CCDC40: variants seen among roughly 807,000 people sequenced by gnomAD.
The protein encoded by CCDC40 is coiled-coil domain-containing protein 40.
A neutral mutation model predicts 124.5 loss-of-function variants in CCDC40; 104 were observed. The ratio of observed to expected loss-of-function variants is 0.84; its 90% CI spans 0.71 to 0.98. The LOEUF (loss-of-function observed/expected upper bound fraction) is 0.98. Among genes scored for constraint, CCDC40 ranks in the 50% least tolerant of loss-of-function variants. The pLI is 0.00. For missense variants in CCDC40, 1,463 were observed against 1,503.9 expected, an observed-to-expected ratio of 0.97 and a Z score of 0.45; for synonymous variants, 580 against 602.9, an observed-to-expected ratio of 0.96 and a Z score of 0.56.
intron 9 of CCDC40, among the ~76,000 whole-genome samples, chr17:80,064,731 C>T (rs542048085): frequency 1.3e-5 from 2 of 151,950 alleles, no homozygotes; most frequent in African/African-American, 4.8e-5. Flanking sequence ...CACTGCCCCC[C>T]ACGATGCCCC....
At chr17:80,068,001 C>A in intron 10 of CCDC40, 1 of 1,060,252 alleles carries the variant, frequency 9.4e-7, no homozygotes. Flanking sequence ...ACACCAAGGC[C>A]CCGGGGAGGA....
intron 12 of CCDC40, among the ~76,000 whole-genome samples, chr17:80,083,834 A>C (rs932985473): frequency 6.6e-6 from 1 of 152,264 alleles, no homozygotes; most frequent in African/African-American, 2.4e-5. Flanking sequence ...CCAGTGTCTA[A>C]CAATTGCTTC....
At chr17:80,068,767 C>T (rs184367238) in intron 10 of CCDC40, among the ~76,000 whole-genome samples, 1 of 152,100 alleles carries the variant, frequency 6.6e-6, no homozygotes, top group African/African-American at 2.4e-5. Flanking sequence ...GAATCGAGCT[C>T]ACCAGAGCCT....
Position 80,058,967 on chromosome 17 carries a change from A to C in CCDC40, c.1427A>C (p.Lys476Thr). The C allele has an allele frequency of 6.2e-7, 1 of 1,614,194 alleles. No homozygotes were observed. Among genetic ancestry groups the C allele is most frequent in the Non-Finnish European group, 8.5e-7 (1 of 1,180,030 alleles). Residue 476 changes from lysine (K) to threonine (T), a missense_variant, in exon 9 of 20, where the codon AAA becomes ACA. Lys to Thr is a moderately conservative substitution (Grantham distance 78, BLOSUM62 -1). Coordinates refer to ENST00000397545, the MANE Select transcript of CCDC40 (RefSeq NM_017950.4). The surrounding 1 kb of genome is among the most constrained non-coding windows in gnomAD (Gnocchi z 4.2). ...GCTGAGGACACCCGGATTTTAAGGA[A>C]AGCAGTGAGTGAGGTAAAAGCAGTC... ...AQAEDTRILR[K>T]AVSEACTEID...
chr17:80,097,212 C>T, intron 18 of CCDC40, 33 bp from the exon 19 acceptor site: 2 of 1,612,886 alleles, frequency 1.2e-6, no homozygotes. Context: ...AGCCGGGCTG[C>T]AGGGGCCCAG....
chr17:80,042,150 G>A lies in CCDC40; in HGVS notation c.552+1880G>A, dbSNP rs550396502. Among the ~76,000 whole-genome samples, 616 of 151,984 alleles carry A rather than the reference G, an allele frequency of 4.1e-3. 3 individuals are homozygous for A. Among genetic ancestry groups the A allele is most frequent in the African/African-American group, 0.012 (514 of 41,432 alleles). ...TCTCTTTTTTTTGAGATGTAGTCTC[G>A]CTCTGTCACCCAGGCTGGAGTGCAG... On this transcript the variant is annotated intron_variant, in intron 3 of 19. Transcript: ENST00000397545.
rs1434502935 is a variant in CCDC40 at position 80,048,566 on chromosome 17, G to T, written c.677-17G>T. On this transcript the variant is annotated splice_polypyrimidine_tract_variant and intron_variant, in intron 4 of 19. Coordinates refer to ENST00000397545, the MANE Select transcript of CCDC40 (RefSeq NM_017950.4). ...TCTCCAGCAGCTCCTCAATGGTGTC[G>T]CTGTCTCTCCCCCCAGTGATCCCCC... 2 of 1,607,106 alleles carry T rather than the reference G, an allele frequency of 1.2e-6. No homozygotes were observed. Among genetic ancestry groups the T allele is most frequent in the East Asian group, 2.2e-5 (1 of 44,842 alleles).
At chr17:80,084,390 GTAGCGGCCCC>G (rs2038529791) in intron 12 of CCDC40, among the ~76,000 whole-genome samples, 10 of 152,172 alleles carry the variant, frequency 6.6e-5, no homozygotes, top group Admixed American at 6.5e-4. Context: ...CAGCATGGGG[GTAGCGGCCCC>G]CATGGTCCAG....
At chr17:80,056,014 A>ATTTTTTTTTTTTTTTTTTT (rs1173801732) in intron 7 of CCDC40, among the ~76,000 whole-genome samples, 2 of 13,450 alleles carry the variant, frequency 1.5e-4, no homozygotes, top group African/African-American at 2.7e-4. Context: ...ATATATATAT[A>ATTTTTTTTTTTTTTTTTTT]TATTTTTTTT....
chr17:80,098,840 T>C (rs1228621577), intron 19 of CCDC40: 1 of 148,474 alleles, frequency 6.7e-6, no homozygotes, highest in East Asian at 2.2e-4. Context: ...CCGGGCGTGG[T>C]GGTGGGGGTG....
chr17:80,098,527 G>A (rs2038852167), intron 19 of CCDC40, among the ~76,000 whole-genome samples: 1 of 152,256 alleles, frequency 6.6e-6, no homozygotes, highest in Non-Finnish European at 1.5e-5. Flanking sequence ...TTCCTGCTGG[G>A]TTGGCTGTGG....
chr17:80,049,888 G>T lies in CCDC40; in HGVS notation c.856-18G>T. On this transcript the variant is annotated intron_variant, in intron 5 of 19. Transcript: ENST00000397545. ...GGTAACCAGAAAGGTAACCACCTGTGGTTTTCCATTGTTCTAGCCCCTGAT... is the reference window on the plus strand; with the variant it reads ...GGTAACCAGAAAGGTAACCACCTGTTGTTTTCCATTGTTCTAGCCCCTGAT... 6.2e-7 allele frequency: 1 copy of T among 1,611,288 alleles called. No homozygotes were observed. The highest frequency in any genetic ancestry group is 2.2e-5 in the East Asian group (1 of 44,844).
intron 2 of CCDC40, among the ~76,000 whole-genome samples, chr17:80,038,963 C>A (rs1291875307): frequency 6.6e-6 from 1 of 152,222 alleles, no homozygotes; most frequent in Non-Finnish European, 1.5e-5. Context: ...CTTCCTACCC[C>A]ATTCTACAGT....
intron 10 of CCDC40, among the ~76,000 whole-genome samples, chr17:80,072,108 G>A (rs2038205720): frequency 2.0e-5 from 3 of 152,156 alleles, no homozygotes; most frequent in Non-Finnish European, 2.9e-5. Flanking sequence ...TGAAAGTGCT[G>A]GGAATTACAG....
chr17:80,036,765 C>G lies in CCDC40; in HGVS notation c.29+74C>G. On this transcript the variant is annotated intron_variant, in intron 1 of 19. Coordinates refer to ENST00000397545, the MANE Select transcript of CCDC40 (RefSeq NM_017950.4). Reference sequence around the variant, plus strand: ...CTCCGTTCACCGCTCCAGGTGGCCCCCGCGTCGGCTCCTGCCTCGCCCCTT... The same window carrying G: ...CTCCGTTCACCGCTCCAGGTGGCCCGCGCGTCGGCTCCTGCCTCGCCCCTT... 8 of 1,384,784 alleles carry G rather than the reference C, an allele frequency of 5.8e-6. No individual in the cohort carries two copies. In the South Asian group the frequency reaches 9.8e-5, roughly 17 times the overall value. 85.8% of individuals were successfully genotyped at this position (1,384,784 alleles called of 1,614,324 possible). A position where few individuals can be genotyped will look rare whatever the true frequency, so the allele number is the denominator to read the frequency against.
In CCDC40 at chr17:80,058,497, C is replaced by A. The variant is rs199948075; in HGVS notation, c.1163C>A (p.Ala388Glu). 3.6e-5 allele frequency: 58 copies of A among 1,613,772 alleles called. No individual in the cohort carries two copies. The highest frequency in any genetic ancestry group is 4.5e-5 in the Non-Finnish European group (53 of 1,179,962). ...AAANEERKKL[A>E]ALQTEMENLA... The stretch of plus-strand genomic sequence containing the variant: ...TCTCCCCCGCCGCGCCCCGCAGTGG[C>A]GGCTCTGCAGACTGAGATGGAGAAC... Residue 388 changes from alanine (A) to glutamate (E), a missense_variant, in exon 8 of 20, where the codon GCG becomes GAG. By Grantham distance (107) the Ala-to-Glu change is moderately radical. Coordinates refer to ENST00000397545, the MANE Select transcript of CCDC40 (RefSeq NM_017950.4). The surrounding 1 kb of genome is among the most constrained non-coding windows in gnomAD (Gnocchi z 4.2).
chr17:80,073,310 A>G (rs899777804), intron 10 of CCDC40, among the ~76,000 whole-genome samples: 1 of 152,116 alleles, frequency 6.6e-6, no homozygotes, highest in Non-Finnish European at 1.5e-5. Context: ...TTGAAGGTTG[A>G]CGGCAGCTCC....
In CCDC40 at chr17:80,048,586, T is replaced by TC; in HGVS notation, c.686dup (p.Gly230ArgfsTer39). 1 of 1,611,914 alleles carries TC rather than the reference T, an allele frequency of 6.2e-7. No individual in the cohort carries two copies. Among genetic ancestry groups the TC allele is most frequent in the Non-Finnish European group, 8.5e-7 (1 of 1,178,774 alleles). ...GTGTCGCTGTCTCTCCCCCCAGTGA[T>TC]CCCCCCAGGGGTGCCCGATGCCCAC... On this transcript the variant is annotated frameshift_variant, in exon 5 of 20. Coordinates refer to ENST00000397545, the MANE Select transcript of CCDC40 (RefSeq NM_017950.4). LOFTEE classifies it high-confidence loss of function.
At chr17:80,077,981 AC>A (rs2038348611) in intron 10 of CCDC40, among the ~76,000 whole-genome samples, 1 of 152,158 alleles carries the variant, frequency 6.6e-6, no homozygotes, top group African/African-American at 2.4e-5. Context: ...GTGAAGTCCA[AC>A]TTATTAAATA....
Sources: allele counts gnomAD v4.1 joint callset (sites outside exome capture counted in the v4.1 genomes callset), GRCh38; gene constraint gnomAD v4.1.1; non-coding constraint Gnocchi (gnomAD v3.1); transcripts MANE v1.5; gene names NCBI Gene and HGNC (gene_info 2026-07-23, HGNC 2026-07-21).